Variants in NIBAN1 observed in about 807,000 individuals in gnomAD.
NIBAN1 encodes the protein niban apoptosis regulator 1, also known as protein Niban 1.
NIBAN1 carries 81 observed loss-of-function variants against 75.1 expected under a neutral mutation model. That is an observed-to-expected ratio of 1.08 (90% confidence interval 0.90 to 1.30). NIBAN1 has a LOEUF of 1.30. Among genes scored for constraint, NIBAN1 ranks in the 50% most tolerant of loss-of-function variants. The probability of loss-of-function intolerance (pLI) is 0.00; values close to 1 mark genes in which losing one functional copy is unlikely to be tolerated. For missense variants in NIBAN1, 1,133 were observed against 1,128.1 expected (o/e 1.00, Z -0.06); for synonymous variants, 436 against 424.8 (o/e 1.03, Z -0.32).
At chr1:184,924,595 A>G (rs1246215885) in intron 1 of NIBAN1, among the ~76,000 whole-genome samples, 1 of 152,094 alleles carries the variant, frequency 6.6e-6, no homozygotes, top group East Asian at 1.9e-4. Context: ...GTTTTTCAGA[A>G]TAGTTTGGGT....
intron 8 of NIBAN1, among the ~76,000 whole-genome samples, chr1:184,821,276 G>A (rs769661910): frequency 3.3e-5 from 5 of 152,182 alleles, no homozygotes; most frequent in Non-Finnish European, 7.3e-5. Context: ...GAAATAGACA[G>A]ATCACCATTT....
At chr1:184,886,520 C>T (rs1656529801) in intron 4 of NIBAN1, among the ~76,000 whole-genome samples, 1 of 152,116 alleles carries the variant, frequency 6.6e-6, no homozygotes, top group South Asian at 2.1e-4. Context: ...GGACTTTTAC[C>T]TCTTCCCTCA....
At chr1:184,816,834 A>T (rs770130092) in intron 9 of NIBAN1, among the ~76,000 whole-genome samples, 6 of 150,780 alleles carry the variant, frequency 4.0e-5, no homozygotes, top group Admixed American at 2.0e-4. Context: ...ATTTTCTCAA[A>T]ATTGAGAAAA....
intron 1 of NIBAN1, among the ~76,000 whole-genome samples, chr1:184,917,642 A>G (rs1657428779): frequency 6.6e-6 from 1 of 151,014 alleles, no homozygotes; most frequent in Admixed American, 6.6e-5. Flanking sequence ...TCTTCTATCC[A>G]CCTCTAAGTT....
chr1:184,913,126 A>T (rs2102007611), intron 1 of NIBAN1, among the ~76,000 whole-genome samples: 1 of 148,770 alleles, frequency 6.7e-6, no homozygotes, highest in South Asian at 2.1e-4. Flanking sequence ...TATGCCTTGC[A>T]TATCATGCAG....
intron 5 of NIBAN1, among the ~76,000 whole-genome samples, chr1:184,834,685 C>T (rs1655091146): frequency 6.6e-6 from 1 of 152,116 alleles, no homozygotes; most frequent in Non-Finnish European, 1.5e-5. Context: ...ATGTCCTTTG[C>T]CCACTTTTTG....
intron 1 of NIBAN1, among the ~76,000 whole-genome samples, chr1:184,902,646 C>T (rs1171892739): frequency 6.6e-6 from 1 of 152,134 alleles, no homozygotes; most frequent in Non-Finnish European, 1.5e-5. Context: ...AAGAGCTGCC[C>T]CACCCATTGC....
chr1:184,972,649 T>A (rs1658968660), intron 1 of NIBAN1, among the ~76,000 whole-genome samples: 1 of 152,196 alleles, frequency 6.6e-6, no homozygotes, highest in African/African-American at 2.4e-5. Flanking sequence ...ATGCTATAGG[T>A]TTACTCATTC....
At chr1:184,859,245 A>G (rs1487765959) in intron 5 of NIBAN1, among the ~76,000 whole-genome samples, 1 of 152,162 alleles carries the variant, frequency 6.6e-6, no homozygotes, top group East Asian at 1.9e-4. Flanking sequence ...AAACAAAGAG[A>G]AGAATATTTG....
chr1:184,945,178 GC>G (rs1217692498), intron 1 of NIBAN1, among the ~76,000 whole-genome samples: 2 of 152,182 alleles, frequency 1.3e-5, no homozygotes, highest in Non-Finnish European at 2.9e-5. Context: ...GCAAGTTACT[GC>G]CTGCACTGAA....
At chr1:184,940,507 A>G (rs2102047418) in intron 1 of NIBAN1, among the ~76,000 whole-genome samples, 1 of 152,312 alleles carries the variant, frequency 6.6e-6, no homozygotes, top group East Asian at 1.9e-4. Context: ...AAAACAATCT[A>G]TGATGTGTTG....
At chr1:184,872,085 A>G (rs931768586) in intron 5 of NIBAN1, among the ~76,000 whole-genome samples, 1 of 152,208 alleles carries the variant, frequency 6.6e-6, no homozygotes, top group African/African-American at 2.4e-5. Flanking sequence ...AGCCAGCACA[A>G]ATAACAGCAG....
At chr1:184,797,917 G>A (rs1254535579) in intron 13 of NIBAN1, among the ~76,000 whole-genome samples, 162 bp downstream of exon 13, 5 of 152,196 alleles carry the variant, frequency 3.3e-5, no homozygotes, top group Non-Finnish European at 5.9e-5. Context: ...ATCAAGGTTA[G>A]TATCCTTCCT....
At chr1:184,872,591 TA>T (rs1656140118) in intron 5 of NIBAN1, among the ~76,000 whole-genome samples, 1 of 151,706 alleles carries the variant, frequency 6.6e-6, no homozygotes, top group African/African-American at 2.4e-5. Context: ...CCTGTAATCC[TA>T]GCAACTTGGG....
chr1:184,852,281 T>C (rs1655561933), intron 5 of NIBAN1, among the ~76,000 whole-genome samples: 1 of 152,216 alleles, frequency 6.6e-6, no homozygotes, highest in South Asian at 2.1e-4. Context: ...ACTTTTGAGG[T>C]TTGTCACGAA....
chr1:184,905,424 T>C (rs1362570461), intron 1 of NIBAN1, among the ~76,000 whole-genome samples: 1 of 152,078 alleles, frequency 6.6e-6, no homozygotes, highest in Non-Finnish European at 1.5e-5. Context: ...ATCACTATCT[T>C]TGTAAGAAAA....
chr1:184,795,680 G>C lies in NIBAN1; in HGVS notation c.2084C>G (p.Pro695Arg). 1.2e-6 allele frequency: 2 copies of C among 1,614,102 alleles called. No homozygotes were observed. Among genetic ancestry groups the C allele is most frequent in the Non-Finnish European group, 1.7e-6 (2 of 1,180,024 alleles). The part of the protein sequence containing the change: ...EFGGTLEDEE[P>R]AQEEPEPITA... Reference sequence around the variant, plus strand: ...GATGGGTTCTGGCTCTTCCTGGGCGGGTTCTTCATCCTCAAGGGTCCCTCC... The same window carrying C: ...GATGGGTTCTGGCTCTTCCTGGGCGCGTTCTTCATCCTCAAGGGTCCCTCC... Residue 695 changes from proline to arginine, a missense_variant, in exon 14 of 14, where the codon CCC becomes CGC. Coordinates refer to ENST00000367511, the MANE Select transcript of NIBAN1 (RefSeq NM_052966.4).
At chr1:184,821,332 T>A (rs549172952) in intron 8 of NIBAN1, 25 of 152,316 alleles carry the variant, frequency 1.6e-4, no homozygotes, top group Admixed American at 4.6e-4. Context: ...CCTTTATTAA[T>A]GCAGCCGAAA....
intron 1 of NIBAN1, among the ~76,000 whole-genome samples, chr1:184,908,583 G>A (rs1022318028): frequency 6.6e-6 from 1 of 152,100 alleles, no homozygotes; most frequent in Non-Finnish European, 1.5e-5. Context: ...TTTTTTAGGA[G>A]AGGAAACCAA....
Sources: allele counts gnomAD v4.1 joint callset (sites outside exome capture counted in the v4.1 genomes callset), GRCh38; gene constraint gnomAD v4.1.1; transcripts MANE v1.5; gene names NCBI Gene and HGNC (gene_info 2026-07-23, HGNC 2026-07-21).